The following COG6 variants were observed in gnomAD, a reference collection of about 807,000 sequenced individuals.
The protein encoded by COG6 is conserved oligomeric Golgi complex subunit 6.
In COG6, 74 loss-of-function variants were observed where a neutral mutation model predicts 88.8. The observed-to-expected ratio is 0.83, with a 90% CI of 0.69 to 1.01. COG6 has a LOEUF of 1.01. Ranked by LOEUF, COG6 falls within the 50% of genes least tolerant of loss-of-function variation. The pLI, the probability that COG6 is intolerant of heterozygous loss-of-function variation, is 0.00. For missense variants in COG6, 800 were observed against 797.9 expected (o/e 1.00, Z -0.03); for synonymous variants, 286 against 278.7 (o/e 1.03, Z -0.26).
intron 13 of COG6, among the ~76,000 whole-genome samples, chr13:39,706,708 G>A (rs569709715): frequency 2.6e-5 from 4 of 152,248 alleles, no homozygotes; most frequent in Admixed American, 2.6e-4. Flanking sequence ...GATTGGGTCA[G>A]AGTCTGTCTC....
At chr13:39,696,166 T>A (rs201023652) in intron 12 of COG6, among the ~76,000 whole-genome samples, 1 of 1,420 alleles carries the variant, frequency 7.0e-4, no homozygotes, top group Non-Finnish European at 4.5e-3. Context: ...AATCTTTTTT[T>A]ATTGATTGCA....
intron 18 of COG6, among the ~76,000 whole-genome samples, chr13:39,764,830 T>C (rs1030056749): frequency 7.2e-5 from 11 of 152,260 alleles, no homozygotes; most frequent in South Asian, 4.1e-4. Context: ...AAATGTTTTC[T>C]GTAGTATTGG....
chr13:39,725,647 G>T (rs1483303171), intron 17 of COG6, among the ~76,000 whole-genome samples: 1 of 150,582 alleles, frequency 6.6e-6, no homozygotes, highest in Non-Finnish European at 1.5e-5. Context: ...ACATTATGTC[G>T]TGATAAAAGA....
chr13:39,723,255 G>A (rs1171758848), intron 15 of COG6, 78 bp from the exon 16 acceptor site: 1 of 842,750 alleles, frequency 1.2e-6, no homozygotes, highest in East Asian at 2.5e-5. Context: ...CTCATCATCA[G>A]TGCCAATGCA....
intron 18 of COG6, among the ~76,000 whole-genome samples, chr13:39,743,477 T>A (rs1173680295): frequency 2.6e-5 from 4 of 152,082 alleles, no homozygotes; most frequent in African/African-American, 9.7e-5. Context: ...TATAAACACC[T>A]CTATGCAAAT....
intron 18 of COG6, among the ~76,000 whole-genome samples, chr13:39,744,441 G>A (rs1234214402): frequency 6.6e-6 from 1 of 152,120 alleles, no homozygotes; most frequent in African/African-American, 2.4e-5. Context: ...AAAATCACAA[G>A]CATTCCTATA....
At position 39,772,454 on chromosome 13, in the gene COG6, T is replaced by C. The variant is rs78646132; in HGVS notation, c.1827-15881T>C. Among the ~76,000 whole-genome samples, 1,404 of 152,334 alleles carry C rather than the reference T, an allele frequency of 9.2e-3. 22 individuals carry two copies. The highest frequency in any genetic ancestry group is 0.032 in the African/African-American group (1,337 of 41,582). On this transcript the variant is annotated intron_variant, in intron 18 of 18. Coordinates refer to the COG6 transcript ENST00000416691. ...GCCCTCAGGGAGCTTGTAGTCTTTATTTCTTCAGCTCTCCATTGTTTGAGG... is the reference window on the plus strand; with the variant it reads ...GCCCTCAGGGAGCTTGTAGTCTTTACTTCTTCAGCTCTCCATTGTTTGAGG...
chr13:39,688,343 G>T (rs1364445352), intron 10 of COG6, among the ~76,000 whole-genome samples: 1 of 152,102 alleles, frequency 6.6e-6, no homozygotes, highest in Non-Finnish European at 1.5e-5. Flanking sequence ...CTATAAAGAG[G>T]TTTAATTTGA....
rs777606536 is a variant in COG6 at position 39,655,663 on chromosome 13, C to T, written c.-64C>T. 3 of 1,535,220 alleles carry T rather than the reference C, an allele frequency of 2.0e-6. No homozygotes were observed. The highest frequency in any genetic ancestry group is 1.8e-6 in the Non-Finnish European group (2 of 1,133,486). The stretch of plus-strand genomic sequence containing the variant: ...GCGGCCGATTTGCACATGCGCAATA[C>T]TCGCGCTGCCTCCGTGGTCCCTGCC... On this transcript the variant is annotated 5_prime_UTR_variant, in exon 1 of 19. Coordinates refer to ENST00000455146, the MANE Select transcript of COG6 (RefSeq NM_020751.3).
chr13:39,713,131 A>G (rs1245273590), intron 13 of COG6, among the ~76,000 whole-genome samples: 2 of 152,228 alleles, frequency 1.3e-5, no homozygotes, highest in Admixed American at 6.5e-5. Context: ...TCTGCCACTC[A>G]CTTACTGATG....
chr13:39,737,148 C>T lies in COG6; in HGVS notation c.1826+9600C>T, dbSNP rs142128021. Among the ~76,000 whole-genome samples the T allele has an allele frequency of 1.7e-4, 26 of 151,988 alleles. No individual in the cohort carries two copies. In the East Asian group the frequency reaches 5.1e-3, roughly 30 times the overall value. ...CCAGGTGTAGACTCTTGTTCTCTTC[C>T]CTTACTTTCCCCCAGGCAAATAGAG... On this transcript the variant is annotated intron_variant, in intron 18 of 18. Coordinates refer to ENST00000455146, the MANE Select transcript of COG6 (RefSeq NM_020751.3).
At chr13:39,710,550 A>G (rs942681773) in intron 13 of COG6, among the ~76,000 whole-genome samples, 1 of 152,162 alleles carries the variant, frequency 6.6e-6, no homozygotes, top group Non-Finnish European at 1.5e-5. Context: ...ACTATAGAGT[A>G]GTAGCATAGG....
chr13:39,677,556 A>G lies in COG6; in HGVS notation c.517A>G (p.Thr173Ala). 1 of 1,608,064 alleles carries G rather than the reference A, an allele frequency of 6.2e-7. No individual in the cohort carries two copies. The highest frequency in any genetic ancestry group is 8.5e-7 in the Non-Finnish European group (1 of 1,174,716). ...TGATGAAATGAGTCTTCTCCGAGGT[A>G]CAAGAGAAGGACCCATTACTGAGGT... is the stretch of plus-strand genomic sequence containing the variant. ...TSDEMSLLRGTREGPITEDFF... is the reference protein window; with the variant it reads ...TSDEMSLLRGAREGPITEDFF... Residue 173 changes from threonine (T) to alanine (A), a missense_variant, in exon 5 of 19, where the codon ACA becomes GCA. Thr to Ala is a moderately conservative substitution (Grantham distance 58). Coordinates refer to ENST00000455146, the MANE Select transcript of COG6 (RefSeq NM_020751.3).
chr13:39,732,628 T>C (rs531431361), intron 18 of COG6, among the ~76,000 whole-genome samples: 1 of 152,310 alleles, frequency 6.6e-6, no homozygotes, highest in South Asian at 2.1e-4. Flanking sequence ...TTCACTGGAT[T>C]GTCTTATAGG....
exon 19 of COG6, chr13:39,790,502 T>C (rs987886048): frequency 2.0e-5 from 3 of 152,144 alleles, no homozygotes; most frequent in Non-Finnish European, 4.4e-5. Flanking sequence ...AATGTAACTT[T>C]TCAATATGTT....
At chr13:39,726,662 A>G (rs1170823763) in intron 17 of COG6, among the ~76,000 whole-genome samples, 1 of 151,990 alleles carries the variant, frequency 6.6e-6, no homozygotes, top group African/African-American at 2.4e-5. Context: ...CCTTACTTAA[A>G]TTCAATGGTT....
chr13:39,707,169 C>T (rs1442304040), intron 13 of COG6, among the ~76,000 whole-genome samples: 2 of 150,398 alleles, frequency 1.3e-5, no homozygotes, highest in African/African-American at 2.4e-5. Context: ...CGCTCTGTCA[C>T]CAGGCTGGAG....
At chr13:39,773,111 C>T (rs1449332968) in intron 18 of COG6, among the ~76,000 whole-genome samples, 5 of 152,154 alleles carry the variant, frequency 3.3e-5, no homozygotes, top group Admixed American at 3.3e-4. Context: ...TTCTATCCAC[C>T]CCCACTCCTC....
intron 15 of COG6, among the ~76,000 whole-genome samples, chr13:39,721,127 C>T (rs942971566): frequency 1.3e-5 from 2 of 151,924 alleles, no homozygotes; most frequent in Non-Finnish European, 2.9e-5. Flanking sequence ...TAATTCAAGC[C>T]CAAATCCCTG....
Sources: gnomAD v4.1 joint callset for allele counts (sites outside exome capture counted in the v4.1 genomes callset) on GRCh38, gnomAD v4.1.1 for gene constraint, MANE v1.5 for transcripts, NCBI Gene and HGNC (gene_info 2026-07-23, HGNC 2026-07-21) for gene names.